RIOX2: variants seen among roughly 807,000 people sequenced by gnomAD.
RIOX2 encodes 60S ribosomal protein L27a histidine hydroxylase.
In RIOX2, 43 loss-of-function variants were observed where a neutral mutation model predicts 51.2. The observed-to-expected ratio is 0.84, with a 90% CI of 0.66 to 1.08. The LOEUF (loss-of-function observed/expected upper bound fraction) is 1.08. Among genes scored for constraint, RIOX2 ranks in the 50% least tolerant of loss-of-function variants. The pLI, the probability that RIOX2 is intolerant of heterozygous loss-of-function variation, is 0.00. For synonymous variants in RIOX2, 226 were observed against 218.5 expected, an observed-to-expected ratio of 1.03 and a Z score of -0.30; for missense variants, 566 against 561.7, an observed-to-expected ratio of 1.01 and a Z score of -0.08.
chr3:97,971,559 A>G (rs1393349470), intron 1 of RIOX2: 1 of 152,230 alleles, frequency 6.6e-6, no homozygotes. Context: ...TTATCTTTTT[A>G]GTCTGATTTT....
intron 5 of RIOX2, chr3:97,951,135 T>C: frequency 2.4e-6 from 1 of 415,430 alleles, no homozygotes; most frequent in South Asian, 3.7e-5. Flanking sequence ...AAGCTAGGCT[T>C]CAATACTGAT....
chr3:97,967,126 A>T, intron 2 of RIOX2, 36 bp downstream of exon 2: 5 of 1,586,816 alleles, frequency 3.2e-6, no homozygotes, highest in Non-Finnish European at 3.4e-6. Context: ...AGTACTTTAA[A>T]ATGTATGAGG....
intron 1 of RIOX2, among the ~76,000 whole-genome samples, chr3:97,970,389 TTA>T (rs774517447): frequency 6.6e-6 from 1 of 152,218 alleles, no homozygotes; most frequent in Non-Finnish European, 1.5e-5. Flanking sequence ...GGCAAATACA[TTA>T]TTTCTCTGAT....
In RIOX2 at chr3:97,943,204, T is replaced by G. The variant is rs1205981739; in HGVS notation, c.*1980A>C. On this transcript the variant is annotated 3_prime_UTR_variant, in exon 10 of 10. Transcript: ENST00000394198. ...GCACCTGCCTGAACAAATAATCTTT[T>G]CTTTTGGAATTTCTATTTTAGGAGG... 1 of 1,396,788 alleles carries G rather than the reference T, an allele frequency of 7.2e-7. No homozygotes were observed. The highest frequency in any genetic ancestry group is 2.3e-5 in the East Asian group (1 of 43,348). 86.5% of individuals were successfully genotyped at this position (1,396,788 alleles called of 1,614,324 possible).
intron 4 of RIOX2, among the ~76,000 whole-genome samples, chr3:97,957,236 C>T (rs562247655): frequency 2.6e-5 from 4 of 152,142 alleles, no homozygotes; most frequent in African/African-American, 9.7e-5. Flanking sequence ...CAGTGGCTCA[C>T]GCCTGTAATC....
chr3:97,953,523 G>A (rs918628616), intron 5 of RIOX2, among the ~76,000 whole-genome samples: 7 of 152,146 alleles, frequency 4.6e-5, no homozygotes, highest in South Asian at 4.1e-4. Context: ...GGGATTACAG[G>A]TGCACACCAC....
At position 97,967,752 on chromosome 3, in the gene RIOX2, T is replaced by G. The variant is rs997999549; in HGVS notation, c.-39-120A>C. The G allele has an allele frequency of 1.5e-5, 10 of 657,208 alleles. No homozygotes were observed. The African/African-American group carries it at 1.6e-4, about 11-fold the overall frequency. The allele number at this position is 657,208 out of a possible 1,614,324, so 40.7% of individuals were successfully genotyped here. On this transcript the variant is annotated intron_variant, in intron 1 of 9. Transcript: ENST00000394198. ...CACCTTCGTGAGAACTCTTCATAGG[T>G]CAAAGCTACTTCCCCCAGGATAGGA... is the stretch of plus-strand genomic sequence containing the variant.
At position 97,952,333 on chromosome 3, in the gene RIOX2, T is replaced by C. The variant is rs1241356429; in HGVS notation, c.786-1445A>G. On this transcript the variant is annotated intron_variant, in intron 5 of 9. Coordinates refer to ENST00000394198, the MANE Select transcript of RIOX2 (RefSeq NM_153182.4). ...CACAATCCTAAGCAGGCAACTTCTG[T>C]AACTTAGGAAGCTCTTCCCAGCCCC... 3.5e-6 allele frequency: 3 copies of C among 853,944 alleles called. No individual in the cohort carries two copies. The African/African-American group carries it at 5.2e-5, about 15-fold the overall frequency. The allele number at this position is 853,944 out of a possible 1,614,324, so 52.9% of individuals were successfully genotyped here.
intron 4 of RIOX2, among the ~76,000 whole-genome samples, chr3:97,958,768 C>G (rs111733172): frequency 3.9e-5 from 6 of 152,270 alleles, no homozygotes; most frequent in African/African-American, 1.4e-4. Flanking sequence ...TCACTGAATT[C>G]TCTTTCTTCC....
chr3:97,957,518 C>T (rs1349674710), intron 4 of RIOX2, among the ~76,000 whole-genome samples: 2 of 137,772 alleles, frequency 1.5e-5, no homozygotes, highest in Non-Finnish European at 3.2e-5. Context: ...AAAAAAATGA[C>T]ATGCACATAC....
chr3:97,962,416 C>T (rs1373112777), intron 2 of RIOX2, among the ~76,000 whole-genome samples: 1 of 120,344 alleles, frequency 8.3e-6, no homozygotes, highest in Non-Finnish European at 1.6e-5. Context: ...CTGGCAGAAA[C>T]TAAGGACTGA....
Position 97,950,808 on chromosome 3 carries a change from C to T in RIOX2, c.866G>A (p.Gly289Asp), listed in dbSNP as rs1236973619. 3.7e-6 allele frequency: 6 copies of T among 1,613,600 alleles called. No individual in the cohort carries two copies. The highest frequency in any genetic ancestry group is 1.3e-5 in the African/African-American group (1 of 74,886). ...TACCAGGAGCAGCTGCCGGGGTATG[C>T]CGGTCCGTAACTCCACGTCTTCCTT... ...TAKEDVELRTGIPRQLLLQVE... is the reference protein window; with the variant it reads ...TAKEDVELRTDIPRQLLLQVE... Residue 289 changes from glycine to aspartate, a missense_variant, in exon 6 of 10, where the codon GGC (glycine) becomes GAC (aspartate). By Grantham distance (94) the Gly-to-Asp change is moderately conservative. Transcript: ENST00000394198.
At chr3:97,970,791 C>G (rs1272546399) in intron 1 of RIOX2, among the ~76,000 whole-genome samples, 1 of 151,940 alleles carries the variant, frequency 6.6e-6, no homozygotes, top group South Asian at 2.1e-4. Flanking sequence ...ACAGATAAAC[C>G]CTATAAGAAA....
In RIOX2 at chr3:97,960,220, G is replaced by A. The variant is rs191878332; in HGVS notation, c.553-1041C>T. 2.9e-4 allele frequency among the ~76,000 whole-genome samples: 44 copies of A among 152,306 alleles called. No individual in the cohort carries two copies. The East Asian group carries it at 6.4e-3, about 22-fold the overall frequency. On this transcript the variant is annotated intron_variant, in intron 3 of 9. Transcript: ENST00000394198. The stretch of plus-strand genomic sequence containing the variant: ...AAAAGTCGTAACGTTACAAGAAAAA[G>A]TTGAATTGCTTGATGTGTATTGTAG...
In RIOX2 at chr3:97,945,985, T is replaced by G. The variant is rs376033032; in HGVS notation, c.1150-98A>C. ...CCAATAGGTCAACACCAAAAAAAATTTCAAAAGCCTTGGTGCTCAAGTGAA... is the reference window on the plus strand; with the variant it reads ...CCAATAGGTCAACACCAAAAAAAATGTCAAAAGCCTTGGTGCTCAAGTGAA... On this transcript the variant is annotated intron_variant, in intron 8 of 9. Transcript: ENST00000394198. The G allele has an allele frequency of 4.4e-4, 344 of 781,836 alleles. 1 individual carries two copies. The African/African-American group carries it at 5.4e-3, about 12-fold the overall frequency. The allele number at this position is 781,836 out of a possible 1,614,324, so 48.4% of individuals were successfully genotyped here.
intron 3 of RIOX2, 66 bp downstream of exon 3, chr3:97,961,523 C>T (rs1705673109): frequency 2.0e-6 from 3 of 1,513,800 alleles, no homozygotes; most frequent in Middle Eastern, 1.8e-4. Flanking sequence ...ACCCTGACAA[C>T]TCTACTAAAC....
intron 9 of RIOX2, 171 bp from the exon 10 acceptor site, chr3:97,945,513 C>T (rs1265981961): frequency 1.6e-6 from 1 of 633,468 alleles, no homozygotes; most frequent in Non-Finnish European, 2.7e-6. Context: ...ATATAAAAGG[C>T]ATCCTAATTT....
rs770163033 is a variant in RIOX2 at position 97,942,310 on chromosome 3, T to G, written c.*2874A>C. 1.2e-6 allele frequency: 2 copies of G among 1,610,880 alleles called. No homozygotes were observed. The highest frequency in any genetic ancestry group is 1.7e-6 in the Non-Finnish European group (2 of 1,178,068). On this transcript the variant is annotated 3_prime_UTR_variant, in exon 10 of 10. Coordinates refer to ENST00000394198, the MANE Select transcript of RIOX2 (RefSeq NM_153182.4). ...CCAGTGATACATGTCTTGATGTGAT[T>G]GGTGGCCGGGACACACCTGGAGCTA...
intron 1 of RIOX2, among the ~76,000 whole-genome samples, chr3:97,968,292 C>G (rs1705974575): frequency 6.6e-6 from 1 of 152,078 alleles, no homozygotes; most frequent in Admixed American, 6.5e-5. Flanking sequence ...AACTCCCCTT[C>G]GTTTAAAGAA....
Sources: allele counts gnomAD v4.1 joint callset (sites outside exome capture counted in the v4.1 genomes callset), GRCh38; gene constraint gnomAD v4.1.1; transcripts MANE v1.5; gene names NCBI Gene and HGNC (gene_info 2026-07-23, HGNC 2026-07-21).